FHDC1: variants seen among roughly 807,000 people sequenced by gnomAD.
FHDC1 encodes FH2 domain-containing protein 1.
FHDC1 carries 25 observed loss-of-function variants against 52.6 expected under a neutral mutation model. That is an observed-to-expected ratio of 0.48 (90% CI 0.35 to 0.66). The LOEUF is 0.66. Ranked by LOEUF, FHDC1 falls within the 30% of genes least tolerant of loss-of-function variation. The pLI is 0.01. For missense variants in FHDC1, 1,459 were observed against 1,452.8 expected (o/e 1.00, Z -0.07); for synonymous variants, 616 against 581.5 (o/e 1.06, Z -0.85).
chr4:152,943,253 C>CT lies in FHDC1; in HGVS notation c.198dup (p.Pro67SerfsTer27). ...CCCTCCTCCACCCCCACCACCTCCA[C>CT]TTCCTGGGGAGCCTCCCATCCCACC... is the stretch of plus-strand genomic sequence containing the variant. On this transcript the variant is annotated frameshift_variant, in exon 2 of 12. Coordinates refer to ENST00000511601, the MANE Select transcript of FHDC1 (RefSeq NM_001371116.1). LOFTEE classifies it high-confidence loss of function. 1 of 1,606,464 alleles carries CT rather than the reference C, an allele frequency of 6.2e-7. No homozygotes were observed. Among genetic ancestry groups the CT allele is most frequent in the Non-Finnish European group, 8.5e-7 (1 of 1,175,866 alleles).
chr4:152,965,184 A>C (rs565125718), intron 9 of FHDC1, among the ~76,000 whole-genome samples: 2 of 152,236 alleles, frequency 1.3e-5, no homozygotes, highest in Admixed American at 1.3e-4. Context: ...AACTAAAGAA[A>C]CTATTTCAGT....
At position 152,942,290 on chromosome 4, in the gene FHDC1, G is replaced by A. The variant is rs192705942; in HGVS notation, c.-130-638G>A. Reference sequence around the variant, plus strand: ...CAAAGTGACTTGTCTAAAACTATAAGCAGTAAAGCTTGATTTAGGGCTGGA... The same window carrying A: ...CAAAGTGACTTGTCTAAAACTATAAACAGTAAAGCTTGATTTAGGGCTGGA... On this transcript the variant is annotated intron_variant, in intron 1 of 11. Coordinates refer to ENST00000511601, the MANE Select transcript of FHDC1 (RefSeq NM_001371116.1). Among the ~76,000 whole-genome samples, 255 of 152,286 alleles carry A rather than the reference G, an allele frequency of 1.7e-3. 1 individual carries two copies. Among genetic ancestry groups the A allele is most frequent in the African/African-American group, 5.9e-3 (247 of 41,556 alleles).
At chr4:152,952,789 C>T (rs953249483) in intron 2 of FHDC1, among the ~76,000 whole-genome samples, 1 of 152,124 alleles carries the variant, frequency 6.6e-6, no homozygotes, top group East Asian at 1.9e-4. Flanking sequence ...TCTCAACTTA[C>T]GATGGGGCTG....
the FHDC1 span, among the ~76,000 whole-genome samples, chr4:152,922,449 T>G: frequency 6.6e-6 from 1 of 152,072 alleles, no homozygotes; most frequent in Non-Finnish European, 1.5e-5. Flanking sequence ...CTGGTACCAT[T>G]CCTTCTGAAA....
At chr4:152,921,217 A>G in the FHDC1 span, among the ~76,000 whole-genome samples, 10 of 152,082 alleles carry the variant, frequency 6.6e-5, no homozygotes, top group Admixed American at 5.9e-4. Context: ...TTAGACAAAA[A>G]TTATTTTCCT....
chr4:152,962,693 T>C, intron 6 of FHDC1, 121 bp from the exon 7 acceptor site: 1 of 729,732 alleles, frequency 1.4e-6, no homozygotes, highest in Non-Finnish European at 2.3e-6. Context: ...TTTTCCGTTT[T>C]ATATACAGTT....
chr4:152,963,374 A>G (rs188215985), intron 8 of FHDC1, among the ~76,000 whole-genome samples: 2 of 152,306 alleles, frequency 1.3e-5, no homozygotes, highest in East Asian at 3.9e-4. Context: ...TGAAGGATTT[A>G]AGTGTCAAAG....
At chr4:152,942,276 G>C (rs895711866) in intron 1 of FHDC1, among the ~76,000 whole-genome samples, 6 of 152,200 alleles carry the variant, frequency 3.9e-5, no homozygotes, top group Admixed American at 6.5e-5. Flanking sequence ...AAAGTGACTT[G>C]TCTAAAACTA....
chr4:152,962,975 G>GTA, intron 7 of FHDC1, 48 bp from the exon 8 acceptor site: 1 of 1,446,046 alleles, frequency 6.9e-7, no homozygotes, highest in Non-Finnish European at 9.6e-7. Context: ...GTGTGTGTGT[G>GTA]TGTGTGTATG....
chr4:152,972,253 C>A, intron 10 of FHDC1, 124 bp from the exon 11 acceptor site: 1 of 987,480 alleles, frequency 1.0e-6, no homozygotes. Context: ...TGCAATAAAC[C>A]TTCCTTTTCC....
rs1383139151 is a variant in FHDC1, at chr4:152,976,627, TCTGAAGGCCAGAGGGGCTGG to T, written c.3337_3356del (p.Leu1113GlyfsTer126). On this transcript the variant is annotated frameshift_variant, in exon 12 of 12. Transcript: ENST00000511601. LOFTEE classifies it low-confidence loss of function (END_TRUNC). ...GTCCCAGTGCCAACACGGAGGCCCC[TCTGAAGGCCAGAGGGGCTGG>T]GGAAAGGGCCTCCCTCCGTCGGAAG... 6.2e-7 allele frequency: 1 copy of T among 1,606,836 alleles called. No individual in the cohort carries two copies. Among genetic ancestry groups the T allele is most frequent in the African/African-American group, 1.3e-5 (1 of 74,768 alleles).
At chr4:152,924,465 A>G in the FHDC1 span, among the ~76,000 whole-genome samples, 1 of 152,192 alleles carries the variant, frequency 6.6e-6, no homozygotes, top group Admixed American at 6.5e-5. Flanking sequence ...TTCCTCAGGG[A>G]TCTAGAACTA....
chr4:152,939,491 TA>T (rs374592159), intron 1 of FHDC1, among the ~76,000 whole-genome samples: 126 of 152,332 alleles, frequency 8.3e-4, no homozygotes, highest in African/African-American at 2.8e-3. Context: ...GCGGGCTGTT[TA>T]GGCAGGAGAG....
intron 11 of FHDC1, among the ~76,000 whole-genome samples, chr4:152,973,126 C>T (rs1476203764): frequency 6.6e-6 from 1 of 152,182 alleles, no homozygotes; most frequent in Non-Finnish European, 1.5e-5. Context: ...CCACCAATTC[C>T]AGTCATCTCT....
At chr4:152,970,321 T>C (rs1462403977) in intron 10 of FHDC1, among the ~76,000 whole-genome samples, 1 of 152,248 alleles carries the variant, frequency 6.6e-6, no homozygotes, top group African/African-American at 2.4e-5. Context: ...CTGTTGACAT[T>C]CTTGCTTTGC....
At chr4:152,933,295 C>T (rs1193566826), upstream of FHDC1, among the ~76,000 whole-genome samples, 1 of 151,564 alleles carries the variant, frequency 6.6e-6, no homozygotes, top group Non-Finnish European at 1.5e-5. Flanking sequence ...GATGGACAAT[C>T]AGCATATTAA....
At chr4:152,954,919 A>G (rs72970309) in intron 4 of FHDC1, among the ~76,000 whole-genome samples, 7,105 of 152,204 alleles carry the variant, frequency 0.047, 553 homozygotes, top group African/African-American at 0.16. Context: ...AAGGGAGGAT[A>G]ATGATGCTGA....
intron 2 of FHDC1, among the ~76,000 whole-genome samples, 180 bp downstream of exon 2, chr4:152,943,735 G>GT (rs1321499262): frequency 4.6e-5 from 7 of 152,162 alleles, no homozygotes; most frequent in South Asian, 2.1e-4. Context: ...TTGAGAAAGC[G>GT]TAAGAAGTAT....
At chr4:152,973,961 G>T (rs1446727203) in intron 11 of FHDC1, among the ~76,000 whole-genome samples, 1 of 152,198 alleles carries the variant, frequency 6.6e-6, no homozygotes, top group African/African-American at 2.4e-5. Context: ...TTCTCTGATT[G>T]TGGGAACAGG....
Sources: allele counts gnomAD v4.1 joint callset (sites outside exome capture counted in the v4.1 genomes callset), GRCh38; gene constraint gnomAD v4.1.1; transcripts MANE v1.5; gene names NCBI Gene and HGNC (gene_info 2026-07-23, HGNC 2026-07-21).